MORC2: variants seen among roughly 807,000 people sequenced by gnomAD.
MORC2 encodes the protein MORC family CW-type zinc finger 2.
A neutral mutation model predicts 136.0 loss-of-function variants in MORC2; 30 were observed. The observed-to-expected ratio is 0.22, with a 90% CI of 0.17 to 0.30. The LOEUF (loss-of-function observed/expected upper bound fraction) is 0.30, where lower values mean the gene tolerates loss of function less well. MORC2 is among the 10% of genes least tolerant of loss of function. MORC2 has a pLI of 1.00. For missense variants in MORC2, 922 were observed against 1,333.1 expected, an observed-to-expected ratio of 0.69 and a Z score of 4.80; for synonymous variants, 439 against 487.0, an observed-to-expected ratio of 0.90 and a Z score of 1.30.
At chr22:30,928,569 G>T (rs1424715841) in intron 24 of MORC2, among the ~76,000 whole-genome samples, 1 of 152,198 alleles carries the variant, frequency 6.6e-6, no homozygotes, top group Non-Finnish European at 1.5e-5. Context: ...CTTCAGTACA[G>T]CCCTTTCAAC....
Position 30,968,121 on chromosome 22 carries a change from G to T in MORC2, c.-232C>A. On this transcript the variant is annotated 5_prime_UTR_variant, in exon 1 of 26. Transcript: ENST00000397641. ...TGATTTATGATGTAATATTTTGGAA[G>T]GAACTATGTCATAAATCTGTAGCTT... 2.0e-6 allele frequency: 1 copy of T among 502,412 alleles called. No homozygotes were observed. The highest frequency in any genetic ancestry group is 3.6e-6 in the Non-Finnish European group (1 of 281,124). The allele number at this position is 502,412 out of a possible 1,614,324, so 31.1% of individuals were successfully genotyped here.
rs116761172 is a variant in MORC2 at position 30,928,689 on chromosome 22, C to T, written c.2842-482G>A. Among the ~76,000 whole-genome samples the T allele has an allele frequency of 4.1e-3, 620 of 152,326 alleles. 3 individuals carry two copies. The highest frequency in any genetic ancestry group is 0.014 in the African/African-American group (592 of 41,564). On this transcript the variant is annotated intron_variant, in intron 24 of 25. Transcript: ENST00000397641. ...ATCTGTGGAGTAGTATATACTTCTA[C>T]AGCATCAGAGCTTTTTACTATTTTC... is the stretch of plus-strand genomic sequence containing the variant.
At chr22:30,951,866 C>A (rs947133169) in intron 3 of MORC2, among the ~76,000 whole-genome samples, 2 of 151,244 alleles carry the variant, frequency 1.3e-5, no homozygotes, top group African/African-American at 2.4e-5. Flanking sequence ...AGTGCAACGG[C>A]GTGATCTCGG....
chr22:30,966,447 G>T (rs2041129214), intron 1 of MORC2, among the ~76,000 whole-genome samples: 1 of 152,096 alleles, frequency 6.6e-6, no homozygotes, highest in African/African-American at 2.4e-5. Context: ...TGTGTTTCAG[G>T]GTCATCATAC....
chr22:30,950,346 C>T (rs749241326), intron 4 of MORC2, 31 bp downstream of exon 4: 6 of 868,800 alleles, frequency 6.9e-6, no homozygotes, highest in African/African-American at 1.7e-5. Context: ...CGCACCCCCC[C>T]ACCCCCCAAA....
Position 30,941,856 on chromosome 22 carries a change from T to G in MORC2, c.698+35A>C. 1.3e-6 allele frequency: 2 copies of G among 1,542,250 alleles called. No individual in the cohort carries two copies. The highest frequency in any genetic ancestry group is 1.8e-6 in the Non-Finnish European group (2 of 1,117,154). Reference sequence around the variant, plus strand: ...CATCTCCTGAGAGCACAAACGCCAGTTCCAGGGCCTCCCTCCCTTCCCAGC... The same window carrying G: ...CATCTCCTGAGAGCACAAACGCCAGGTCCAGGGCCTCCCTCCCTTCCCAGC... On this transcript the variant is annotated intron_variant, in intron 8 of 25. Transcript: ENST00000397641. The surrounding 1 kb of genome is among the most constrained non-coding windows in gnomAD (Gnocchi z 4.6).
chr22:30,963,747 G>A (rs1313759806), intron 1 of MORC2, among the ~76,000 whole-genome samples: 2 of 152,044 alleles, frequency 1.3e-5, no homozygotes, highest in Admixed American at 6.6e-5. Context: ...AGCATTTCCA[G>A]GGACAAATTC....
Position 30,946,334 on chromosome 22 carries a change from G to T in MORC2, c.426+7C>A. 6.2e-7 allele frequency: 1 copy of T among 1,600,260 alleles called. No individual in the cohort carries two copies. The highest frequency in any genetic ancestry group is 1.1e-5 in the South Asian group (1 of 88,812). On this transcript the variant is annotated splice_region_variant and intron_variant, in intron 6 of 25. Transcript: ENST00000397641. ...CTGGTGATGCAGACCACGATGATGG[G>T]ACCTACTTCATCAATGCCTTCTTCC...
At chr22:30,966,693 G>A (rs2041133412) in intron 1 of MORC2, among the ~76,000 whole-genome samples, 1 of 152,076 alleles carries the variant, frequency 6.6e-6, no homozygotes, top group Non-Finnish European at 1.5e-5. Flanking sequence ...CAGGAGAATC[G>A]TTTGAACCTG....
chr22:30,938,220 A>G lies in MORC2; in HGVS notation c.1074-15T>C. On this transcript the variant is annotated splice_polypyrimidine_tract_variant and intron_variant, in intron 12 of 25. Coordinates refer to ENST00000397641, the MANE Select transcript of MORC2 (RefSeq NM_001303256.3). The stretch of plus-strand genomic sequence containing the variant: ...CTTTAAGTGCTCTAAGAAGACAAAA[A>G]AACTCAAGCAGATCTACACATCGGC... 7.1e-7 allele frequency: 1 copy of G among 1,414,440 alleles called. No individual in the cohort carries two copies. The highest frequency in any genetic ancestry group is 9.3e-7 in the Non-Finnish European group (1 of 1,070,896). 87.6% of individuals were successfully genotyped at this position (1,414,440 alleles called of 1,614,324 possible).
intron 5 of MORC2, 68 bp from the exon 6 acceptor site, chr22:30,946,517 T>C: frequency 7.2e-7 from 1 of 1,380,468 alleles, no homozygotes; most frequent in Non-Finnish European, 1.0e-6. Flanking sequence ...AAGAAATCAA[T>C]CCACTCTGGA....
chr22:30,964,535 G>C (rs1159036243), intron 1 of MORC2, among the ~76,000 whole-genome samples: 1 of 152,122 alleles, frequency 6.6e-6, no homozygotes, highest in East Asian at 1.9e-4. Flanking sequence ...TTATGCCAAA[G>C]GAACATCACT....
chr22:30,940,307 A>C lies in MORC2; in HGVS notation c.905-266T>G, dbSNP rs1341107950. ...CAGAACAGGTTTAAAAAAAAAAAAA[A>C]AACACCTAAGGCAACCAGTTGAACA... On this transcript the variant is annotated intron_variant, in intron 10 of 25. Coordinates refer to ENST00000397641, the MANE Select transcript of MORC2 (RefSeq NM_001303256.3). Among the ~76,000 whole-genome samples, 10 of 152,072 alleles carry C rather than the reference A, an allele frequency of 6.6e-5. No homozygotes were observed. In the East Asian group the frequency reaches 1.9e-3, roughly 29 times the overall value.
intron 11 of MORC2, 120 bp downstream of exon 11, chr22:30,939,839 C>T (rs1237161219): frequency 2.2e-6 from 3 of 1,341,034 alleles, no homozygotes; most frequent in Non-Finnish European, 1.0e-6. Context: ...CTTCTTTCTA[C>T]AGAAAACAGC....
At chr22:30,939,096 G>C (rs1171853042) in intron 12 of MORC2, among the ~76,000 whole-genome samples, 1 of 152,166 alleles carries the variant, frequency 6.6e-6, no homozygotes, top group Non-Finnish European at 1.5e-5. Flanking sequence ...CAGACATGGA[G>C]GTGGGACAAG....
chr22:30,930,554 C>A (rs753638538), intron 24 of MORC2, among the ~76,000 whole-genome samples: 8 of 152,164 alleles, frequency 5.3e-5, no homozygotes, highest in Non-Finnish European at 1.2e-4. Flanking sequence ...GACTCTTTAC[C>A]TTTCTGAGCC....
rs1025079681 is a variant in MORC2 at position 30,935,002 on chromosome 22, C to T, written c.1972G>A (p.Ala658Thr). Residue 658 changes from alanine (A) to threonine (T), a missense_variant, in exon 19 of 26, where the codon GCC becomes ACC. Around this residue, in one of 9 missense-constraint regions of MORC2, gnomAD observed 184 missense variants for 180.3 expected, o/e 1.02. Transcript: ENST00000397641. The part of the protein sequence containing the change: ...SSTPKLPALA[A>T]REEASTSRLL... The stretch of plus-strand genomic sequence containing the variant: ...CTAGATGTGCTGGCCTCCTCCCGGG[C>T]TGCCAAAGCAGGGAGCTTTGGGGTA... 3 of 1,613,958 alleles carry T rather than the reference C, an allele frequency of 1.9e-6. No homozygotes were observed. Among genetic ancestry groups the T allele is most frequent in the Non-Finnish European group, 1.7e-6 (2 of 1,180,032 alleles).
chr22:30,933,072 GA>G, intron 21 of MORC2, 42 bp from the exon 22 acceptor site: 1 of 1,609,162 alleles, frequency 6.2e-7, no homozygotes, highest in Middle Eastern at 1.7e-4. Flanking sequence ...AACTAGCGTA[GA>G]GTCCCTCACT....
rs9609163 is a variant in MORC2 at position 30,938,531 on chromosome 22, G to A, written c.1074-326C>T. Among the ~76,000 whole-genome samples, 17,377 of 152,166 alleles carry A rather than the reference G, an allele frequency of 0.11. 1,269 individuals are homozygous for A. Among genetic ancestry groups the A allele is most frequent in the South Asian group, 0.22 (1,081 of 4,818 alleles). ...ATGTTGGAATAAACACCAGGTTATC[G>A]TCATACCTTCCCCAAAATTCCACTA... On this transcript the variant is annotated intron_variant, in intron 12 of 25. Transcript: ENST00000397641.
Sources: gnomAD v4.1 joint callset for allele counts (sites outside exome capture counted in the v4.1 genomes callset) on GRCh38, gnomAD v4.1.1 for gene constraint, gnomAD v4.1.1 regional missense constraint, Gnocchi (gnomAD v3.1) non-coding constraint, MANE v1.5 for transcripts, NCBI Gene and HGNC (gene_info 2026-07-23, HGNC 2026-07-21) for gene names.